Variants in HECTD2 observed in about 807,000 individuals in gnomAD.
HECTD2 encodes the protein probable E3 ubiquitin-protein ligase HECTD2.
In HECTD2, 35 loss-of-function variants were observed where a neutral mutation model predicts 103.2. That is an observed-to-expected ratio of 0.34 (90% confidence interval 0.26 to 0.45). The LOEUF is 0.45. Among genes scored for constraint, HECTD2 ranks in the 20% least tolerant of loss-of-function variants. The pLI, the probability that HECTD2 is intolerant of heterozygous loss-of-function variation, is 1.00. For synonymous variants in HECTD2, 281 were observed against 329.9 expected (o/e 0.85, Z 1.61); for missense variants, 596 against 937.4 (o/e 0.64, Z 4.76).
intron 2 of HECTD2, among the ~76,000 whole-genome samples, chr10:91,443,229 GT>G (rs1320639404): frequency 6.4e-4 from 47 of 73,752 alleles, no homozygotes; most frequent in Non-Finnish European, 9.4e-4. Context: ...ATTTATCTAT[GT>G]TTGGTCTTTG....
At chr10:91,504,017 A>G (rs189737331) in intron 20 of HECTD2, among the ~76,000 whole-genome samples, 6 of 152,280 alleles carry the variant, frequency 3.9e-5, no homozygotes, top group African/African-American at 1.4e-4. Flanking sequence ...GCAGGGGCAC[A>G]CTGACACCTC....
At chr10:91,431,740 T>C (rs917112135) in intron 2 of HECTD2, among the ~76,000 whole-genome samples, 6 of 152,130 alleles carry the variant, frequency 3.9e-5, no homozygotes, top group African/African-American at 1.4e-4. Context: ...TCAGCTCCTT[T>C]AGGCACTTCT....
chr10:91,457,307 CA>C (rs1182126195), intron 2 of HECTD2, among the ~76,000 whole-genome samples: 1 of 151,620 alleles, frequency 6.6e-6, no homozygotes, highest in African/African-American at 2.4e-5. Context: ...TTTTGTTTTA[CA>C]AAGCTGGTAT....
chr10:91,455,836 T>G (rs1845062279), intron 2 of HECTD2, among the ~76,000 whole-genome samples: 1 of 152,200 alleles, frequency 6.6e-6, no homozygotes, highest in African/African-American at 2.4e-5. Context: ...GGGAATCCTT[T>G]CCCTATTTCT....
intron 1 of HECTD2, among the ~76,000 whole-genome samples, chr10:91,412,933 G>A (rs1842983556): frequency 6.6e-6 from 1 of 151,946 alleles, no homozygotes; most frequent in Non-Finnish European, 1.5e-5. Context: ...CTCTTGAGTT[G>A]TTTTTCAGCC....
In HECTD2 at chr10:91,491,197, C is replaced by T. The variant is rs1846465490; in HGVS notation, c.1192-3C>T. 2.0e-6 allele frequency: 3 copies of T among 1,468,396 alleles called. No homozygotes were observed. Among genetic ancestry groups the T allele is most frequent in the Non-Finnish European group, 2.8e-6 (3 of 1,055,102 alleles). The allele number at this position is 1,468,396 out of a possible 1,614,324, so 91.0% of individuals were successfully genotyped here. ...AAAACTGTTTACTTTCTTATTTAAT[C>T]AGCAAAGTCTGGTGGATAAAGTATC... On this transcript the variant is annotated splice_polypyrimidine_tract_variant and splice_region_variant and intron_variant, in intron 11 of 20. Coordinates refer to ENST00000298068, the MANE Select transcript of HECTD2 (RefSeq NM_182765.6).
chr10:91,501,887 C>T (rs906848810), intron 20 of HECTD2, among the ~76,000 whole-genome samples: 7 of 151,758 alleles, frequency 4.6e-5, no homozygotes, highest in African/African-American at 1.7e-4. Context: ...TACTCCTTTT[C>T]CCAAATAACT....
intron 20 of HECTD2, among the ~76,000 whole-genome samples, chr10:91,504,949 CA>C (rs752133867): frequency 7.9e-5 from 12 of 152,156 alleles, no homozygotes; most frequent in Non-Finnish European, 1.6e-4. Context: ...CCCTACAAGC[CA>C]GAAGAGAGTG....
chr10:91,417,926 C>T (rs1294960232), intron 1 of HECTD2, among the ~76,000 whole-genome samples: 2 of 152,160 alleles, frequency 1.3e-5, no homozygotes, highest in East Asian at 1.9e-4. Flanking sequence ...TTCTAGATCC[C>T]TGAGGAATCA....
chr10:91,419,319 T>A (rs143668915), intron 1 of HECTD2, among the ~76,000 whole-genome samples: 1 of 152,142 alleles, frequency 6.6e-6, no homozygotes, highest in Admixed American at 6.6e-5. Context: ...AGTCTGTTCC[T>A]CAATAGAGGT....
In HECTD2 at chr10:91,410,551, T is replaced by A; in HGVS notation, c.113T>A (p.Val38Glu). ...ESEREKLPPI[V>E]SAGAGATAGL... ...GAGCGCGAGAAGCTGCCGCCCATCG[T>A]ATCGGCGGGCGCCGGCGCGACCGCG... Residue 38 changes from valine to glutamate, a missense_variant, in exon 1 of 21, where the codon GTA becomes GAA. Transcript: ENST00000298068. The A allele has an allele frequency of 6.9e-7, 1 of 1,447,054 alleles. No homozygotes were observed. The highest frequency in any genetic ancestry group is 9.1e-7 in the Non-Finnish European group (1 of 1,099,604). The allele number at this position is 1,447,054 out of a possible 1,614,324, so 89.6% of individuals were successfully genotyped here. A position where few individuals can be genotyped will look rare whatever the true frequency, so the allele number is the denominator to read the frequency against.
At chr10:91,462,534 G>A in intron 5 of HECTD2, 1 of 1,053,178 alleles carries the variant, frequency 9.5e-7, no homozygotes, top group Non-Finnish European at 1.2e-6. Flanking sequence ...TCACAAGAAG[G>A]GCTTGTTAAA....
intron 20 of HECTD2, among the ~76,000 whole-genome samples, chr10:91,509,496 C>G (rs1229848635): frequency 6.6e-6 from 1 of 151,978 alleles, no homozygotes; most frequent in Non-Finnish European, 1.5e-5. Flanking sequence ...GTCATAAAGA[C>G]ACATGCATGC....
At chr10:91,424,182 C>T (rs993895595) in intron 1 of HECTD2, among the ~76,000 whole-genome samples, 1 of 152,078 alleles carries the variant, frequency 6.6e-6, no homozygotes, top group Non-Finnish European at 1.5e-5. Context: ...TAGAGTTTTG[C>T]CCCAGTCTTA....
intron 1 of HECTD2, among the ~76,000 whole-genome samples, chr10:91,421,450 T>C (rs1370009611): frequency 6.6e-6 from 1 of 152,176 alleles, no homozygotes; most frequent in Non-Finnish European, 1.5e-5. Flanking sequence ...AAGAATTGTC[T>C]TGTGTCACAC....
intron 5 of HECTD2, chr10:91,463,197 A>G (rs1029470075): frequency 1.3e-5 from 2 of 152,084 alleles, no homozygotes; most frequent in African/African-American, 2.4e-5. Flanking sequence ...TAAACAGTCA[A>G]TTAACGTATA....
At chr10:91,409,763 G>T (rs1017715722), upstream of HECTD2, among the ~76,000 whole-genome samples, 19 of 152,114 alleles carry the variant, frequency 1.2e-4, no homozygotes, top group Non-Finnish European at 2.5e-4. Context: ...GCCTCTCCTG[G>T]GCTCAGGAGG....
intron 2 of HECTD2, among the ~76,000 whole-genome samples, chr10:91,433,693 A>G (rs1181776328): frequency 6.6e-6 from 1 of 151,940 alleles, no homozygotes; most frequent in African/African-American, 2.4e-5. Context: ...GTTTATCTAT[A>G]GGATATTTCT....
chr10:91,456,301 A>T (rs1194519778), intron 2 of HECTD2, among the ~76,000 whole-genome samples: 4 of 152,072 alleles, frequency 2.6e-5, no homozygotes, highest in African/African-American at 7.2e-5. Flanking sequence ...ATCCCTTGTA[A>T]GTTGGATTCC....
Sources: allele counts gnomAD v4.1 joint callset (sites outside exome capture counted in the v4.1 genomes callset), GRCh38; gene constraint gnomAD v4.1.1; transcripts MANE v1.5; gene names NCBI Gene and HGNC (gene_info 2026-07-23, HGNC 2026-07-21).